JPH1: variants seen among roughly 807,000 people sequenced by gnomAD.
JPH1 encodes the protein junctophilin-1.
In JPH1, 12 loss-of-function variants were observed where a neutral mutation model predicts 53.6. The observed-to-expected ratio is 0.22, with a 90% CI of 0.14 to 0.36. The LOEUF is 0.36. JPH1 is among the 10% of genes least tolerant of loss of function. The pLI, the probability that JPH1 is intolerant of heterozygous loss-of-function variation, is 1.00. For synonymous variants in JPH1, 375 were observed against 363.8 expected (o/e 1.03, Z -0.35); for missense variants, 808 against 905.5 (o/e 0.89, Z 1.38).
intron 5 of JPH1, 46 bp downstream of exon 5, chr8:74,237,162 A>T (rs1028638380): frequency 8.0e-7 from 1 of 1,255,610 alleles, no homozygotes; most frequent in Non-Finnish European, 1.1e-6. Context: ...ATGAGAAAAG[A>T]ATGTTATTTA....
intron 2 of JPH1, among the ~76,000 whole-genome samples, chr8:74,262,188 C>T (rs1298365227): frequency 2.0e-5 from 3 of 152,104 alleles, no homozygotes; most frequent in African/African-American, 2.4e-5. Context: ...CTTTTGGAAC[C>T]GATGACAAGA....
chr8:74,254,895 G>T (rs1465376179), intron 3 of JPH1, among the ~76,000 whole-genome samples: 1 of 152,100 alleles, frequency 6.6e-6, no homozygotes, highest in African/African-American at 2.4e-5. Flanking sequence ...AAATAAAAGA[G>T]GACACAAACA....
chr8:74,246,879 T>C (rs1398989842), intron 3 of JPH1, among the ~76,000 whole-genome samples: 2 of 152,216 alleles, frequency 1.3e-5, no homozygotes, highest in Admixed American at 1.3e-4. Flanking sequence ...CAATTTTCTT[T>C]TAATTCCTCC....
At chr8:74,301,592 A>G (rs146780000) in intron 2 of JPH1, among the ~76,000 whole-genome samples, 1 of 152,170 alleles carries the variant, frequency 6.6e-6, no homozygotes, top group Non-Finnish European at 1.5e-5. Flanking sequence ...GTACACTTTC[A>G]TTCCACTCCA....
chr8:74,238,459 G>A (rs1407520671), intron 4 of JPH1, among the ~76,000 whole-genome samples: 1 of 152,078 alleles, frequency 6.6e-6, no homozygotes, highest in African/African-American at 2.4e-5. Flanking sequence ...TCTATCACAA[G>A]GCGTTTCACA....
Position 74,321,102 on chromosome 8 carries a change from G to T in JPH1, c.186C>A (p.Gly62=), listed in dbSNP as rs764716871. The part of the protein sequence containing the change: ...YTWPSGNTYQ[G]YWAQGKRHGL... ...CGTGCCGCTTGCCCTGCGCCCAGTA[G>T]CCCTGGTAGGTGTTGCCGCTGGGCC... Residue 62 remains glycine, a synonymous_variant, in exon 1 of 6, where the codon GGC becomes GGA. Transcript: ENST00000342232. This position sits in a 1 kb window ranked among gnomAD's most constrained non-coding sequence, Gnocchi z 4.3. 11 of 1,613,632 alleles carry T rather than the reference G, an allele frequency of 6.8e-6. No individual in the cohort carries two copies. Among genetic ancestry groups the T allele is most frequent in the Admixed American group, 1.7e-5 (1 of 59,976 alleles).
intron 3 of JPH1, among the ~76,000 whole-genome samples, chr8:74,256,237 T>C (rs1806224451): frequency 6.6e-6 from 1 of 152,116 alleles, no homozygotes; most frequent in African/African-American, 2.4e-5. Flanking sequence ...TTCATGTCCT[T>C]TGTAGGGACA....
chr8:74,239,881 A>G (rs1426745108), intron 4 of JPH1, among the ~76,000 whole-genome samples: 1 of 152,236 alleles, frequency 6.6e-6, no homozygotes, highest in Non-Finnish European at 1.5e-5. Context: ...TGATACCAGC[A>G]TAGAATGTGT....
At chr8:74,288,152 C>T (rs1807222951) in intron 2 of JPH1, among the ~76,000 whole-genome samples, 1 of 152,132 alleles carries the variant, frequency 6.6e-6, no homozygotes, top group Non-Finnish European at 1.5e-5. Context: ...AAACAGAGGT[C>T]TGTACTGAAT....
intron 3 of JPH1, among the ~76,000 whole-genome samples, chr8:74,252,498 A>G (rs932103248): frequency 6.6e-6 from 1 of 152,118 alleles, no homozygotes; most frequent in Non-Finnish European, 1.5e-5. Flanking sequence ...AATGAGCAAA[A>G]TAACCAGCTA....
intron 2 of JPH1, among the ~76,000 whole-genome samples, chr8:74,269,371 TC>T (rs1389759133): frequency 4.6e-5 from 7 of 151,412 alleles, no homozygotes; most frequent in African/African-American, 1.7e-4. Context: ...AGTTATTCTC[TC>T]AGTGAACTTG....
chr8:74,284,484 G>A (rs551198861), intron 2 of JPH1, among the ~76,000 whole-genome samples: 4 of 151,934 alleles, frequency 2.6e-5, no homozygotes, highest in Non-Finnish European at 5.9e-5. Context: ...ACCGGTGCAC[G>A]GTGACAACTG....
chr8:74,314,800 A>G (rs776109309), intron 2 of JPH1, 61 bp downstream of exon 2: 7 of 1,565,260 alleles, frequency 4.5e-6, no homozygotes, highest in East Asian at 2.2e-5. Context: ...GACAAACATA[A>G]TATTTGATAC....
At chr8:74,283,009 G>A (rs957187136) in intron 2 of JPH1, among the ~76,000 whole-genome samples, 2 of 152,010 alleles carry the variant, frequency 1.3e-5, no homozygotes, top group Admixed American at 6.6e-5. Flanking sequence ...TTTTAATGAA[G>A]GGCATCTTGA....
At chr8:74,253,139 G>T (rs1806116359) in intron 3 of JPH1, among the ~76,000 whole-genome samples, 1 of 152,022 alleles carries the variant, frequency 6.6e-6, no homozygotes, top group African/African-American at 2.4e-5. Context: ...CACATAGTTG[G>T]AAGTAAAGCT....
intron 1 of JPH1, among the ~76,000 whole-genome samples, chr8:74,318,563 G>A (rs1438942658): frequency 6.6e-6 from 1 of 152,104 alleles, no homozygotes; most frequent in African/African-American, 2.4e-5. Flanking sequence ...ATATTCAGGG[G>A]GTTTCTATTT....
intron 2 of JPH1, among the ~76,000 whole-genome samples, chr8:74,290,221 G>A (rs1302045005): frequency 6.6e-6 from 1 of 152,166 alleles, no homozygotes. Context: ...TGACATGATT[G>A]TATATTTAGA....
rs766240567 is a variant in JPH1, at chr8:74,315,577, G to A, written c.423C>T (p.Tyr141=). Residue 141 remains tyrosine (Y), a synonymous_variant, in exon 2 of 6, where the codon TAC becomes TAT. Transcript: ENST00000342232. This position sits in a 1 kb window ranked among gnomAD's most constrained non-coding sequence, Gnocchi z 6.3. ...CGTAGGGCACGCTCTGGCGCACGCC[G>A]TAGCCATGCCGCATGCCTCCGGCCC... The part of the protein sequence containing the change: ...GQWAGGMRHG[Y]GVRQSVPYGM... 10 of 1,604,928 alleles carry A rather than the reference G, an allele frequency of 6.2e-6. No homozygotes were observed. The highest frequency in any genetic ancestry group is 3.4e-5 in the Admixed American group (2 of 59,678).
Position 74,250,525 on chromosome 8 carries a change from T to G in JPH1, c.1259-5350A>C, listed in dbSNP as rs1462640754. Among the ~76,000 whole-genome samples the G allele has an allele frequency of 2.6e-5, 4 of 152,370 alleles. 1 individual carries two copies. In the East Asian group the frequency reaches 7.7e-4, roughly 29 times the overall value. ...GGGGCAGGGCCCCGGTCCCCCCTGC[T>G]TCCTCAGTGGTTACCCTCTAAAGCA... On this transcript the variant is annotated intron_variant, in intron 3 of 5. Coordinates refer to ENST00000342232, the MANE Select transcript of JPH1 (RefSeq NM_020647.4).
Sources: allele counts gnomAD v4.1 joint callset (sites outside exome capture counted in the v4.1 genomes callset), GRCh38; gene constraint gnomAD v4.1.1; non-coding constraint Gnocchi (gnomAD v3.1); transcripts MANE v1.5; gene names NCBI Gene and HGNC (gene_info 2026-07-23, HGNC 2026-07-21).